Variants in SERTM1 observed in about 807,000 individuals in gnomAD.
SERTM1 encodes the protein serine rich and transmembrane domain containing 1.
A neutral mutation model predicts 5.5 loss-of-function variants in SERTM1; 1 was observed. The ratio of observed to expected loss-of-function variants is 0.18; its 90% confidence interval spans 0.06 to 0.86. SERTM1 has a LOEUF of 0.86. Among genes scored for constraint, SERTM1 ranks in the 40% least tolerant of loss-of-function variants. The pLI is 0.69. For synonymous variants in SERTM1, 52 were observed against 55.1 expected (o/e 0.94, Z 0.25); for missense variants, 91 against 122.4 (o/e 0.74, Z 1.21).
Position 36,690,394 on chromosome 13 carries a change from C to G in SERTM1, c.-173-4512C>G, listed in dbSNP as rs660617. ...GAGTCAGCTTTGAGTAAGGGTAGCA[C>G]GTAAGATAGTAAACTTTATTTCTAT... On this transcript the variant is annotated intron_variant, in intron 1 of 1. Transcript: ENST00000315190. 3.3e-5 allele frequency among the ~76,000 whole-genome samples: 5 copies of G among 152,156 alleles called. No homozygotes were observed. In the East Asian group the frequency reaches 5.8e-4, roughly 18 times the overall value.
At chr13:36,693,226 C>T (rs1271555981) in intron 1 of SERTM1, among the ~76,000 whole-genome samples, 2 of 152,164 alleles carry the variant, frequency 1.3e-5, no homozygotes, top group Non-Finnish European at 2.9e-5. Context: ...TTTTTCCCAT[C>T]CAATCTGTGA....
Position 36,682,948 on chromosome 13 carries a change from T to C in SERTM1, c.-174+8764T>C, listed in dbSNP as rs545726642. On this transcript the variant is annotated intron_variant, in intron 1 of 1. Transcript: ENST00000315190. The stretch of plus-strand genomic sequence containing the variant: ...TCTCACACTGTCTCCCAGGCTGGAG[T>C]GCAATGGCATGATCTCTGCTCACTG... 9.4e-4 allele frequency among the ~76,000 whole-genome samples: 143 copies of C among 152,308 alleles called. 3 individuals are homozygous for C. The South Asian group carries it at 0.029, about 31-fold the overall frequency.
At chr13:36,681,425 A>G (rs1593392334) in intron 1 of SERTM1, among the ~76,000 whole-genome samples, 1 of 152,316 alleles carries the variant, frequency 6.6e-6, no homozygotes, top group East Asian at 1.9e-4. Flanking sequence ...CAAATTGAAC[A>G]TTTGATAAAA....
At position 36,695,311 on chromosome 13, in the gene SERTM1, A is replaced by T; in HGVS notation, c.233A>T (p.Glu78Val). 6.2e-7 allele frequency: 1 copy of T among 1,614,096 alleles called. No homozygotes were observed. The highest frequency in any genetic ancestry group is 8.5e-7 in the Non-Finnish European group (1 of 1,179,968). ...ATCTCCTCCAGTTCCTCCTACCCAG[A>T]GTATCCAAGCGACGCTGGAAGTTCT... ...NIISSSSSYP[E>V]YPSDAGSSFT... The change falls in exon 2 of 2, where the codon GAG (glutamate) becomes GTG (valine). Residue 78 changes from glutamate to valine, a missense_variant. By Grantham distance (121) the Glu-to-Val change is moderately radical. Transcript: ENST00000315190.
chr13:36,681,771 T>C (rs986963121), intron 1 of SERTM1, among the ~76,000 whole-genome samples: 1 of 152,192 alleles, frequency 6.6e-6, no homozygotes, highest in Non-Finnish European at 1.5e-5. Context: ...CTTCATAGTC[T>C]CACTATGGTA....
Position 36,697,312 on chromosome 13 carries a change from A to AATATATATATATATAT in SERTM1, c.*1920_*1935dup, listed in dbSNP as rs57478418. 10 of 143,830 alleles carry AATATATATATATATAT rather than the reference A, an allele frequency of 7.0e-5. No homozygotes were observed. The highest frequency in any genetic ancestry group is 2.5e-4 in the African/African-American group (9 of 36,214). The allele number at this position is 143,830 out of a possible 1,614,324, so 8.9% of individuals were successfully genotyped here. ...ATACGCACACACACACACACACATAAATATATATATATATATATATATATA... is the reference window on the plus strand; with the variant it reads ...ATACGCACACACACACACACACATAAATATATATATATATATATATATATATATATATATATATATA... On this transcript the variant is annotated 3_prime_UTR_variant, in exon 2 of 2. Transcript: ENST00000315190.
chr13:36,692,839 C>T (rs1180504389), intron 1 of SERTM1, among the ~76,000 whole-genome samples: 1 of 152,176 alleles, frequency 6.6e-6, no homozygotes, highest in East Asian at 1.9e-4. Flanking sequence ...GGCATGGATT[C>T]TAGTCACTTT....
In SERTM1 at chr13:36,696,224, A is replaced by G. The variant is rs981613159; in HGVS notation, c.*822A>G. ...ATATGAATAATTTCTATCAGTGAGA[A>G]TTAAGCATATGGAAAATATTCATTT... On this transcript the variant is annotated 3_prime_UTR_variant, in exon 2 of 2. Coordinates refer to ENST00000315190, the MANE Select transcript of SERTM1 (RefSeq NM_203451.3). 3.0e-5 allele frequency: 5 copies of G among 166,918 alleles called. No homozygotes were observed. The highest frequency in any genetic ancestry group is 4.4e-5 in the Non-Finnish European group (3 of 68,130). The allele number at this position is 166,918 out of a possible 1,614,324, so 10.3% of individuals were successfully genotyped here. A position where few individuals can be genotyped will look rare whatever the true frequency, so the allele number is the denominator to read the frequency against.
At chr13:36,684,419 C>T (rs1050552813) in intron 1 of SERTM1, among the ~76,000 whole-genome samples, 1 of 152,154 alleles carries the variant, frequency 6.6e-6, no homozygotes, top group Non-Finnish European at 1.5e-5. Flanking sequence ...AGACACACAT[C>T]CAAAATTGGT....
Position 36,676,059 on chromosome 13 carries a change from G to T in SERTM1, c.-174+1875G>T, listed in dbSNP as rs557657870. On this transcript the variant is annotated intron_variant, in intron 1 of 1. Transcript: ENST00000315190. Reference sequence around the variant, plus strand: ...TCAACAGATTTTACTAGATGTCTACGATTTGGACAAGCACATCAGGGGTTA... The same window carrying T: ...TCAACAGATTTTACTAGATGTCTACTATTTGGACAAGCACATCAGGGGTTA... Among the ~76,000 whole-genome samples, 26 of 152,216 alleles carry T rather than the reference G, an allele frequency of 1.7e-4. No homozygotes were observed. In the South Asian group the frequency reaches 4.4e-3, roughly 25 times the overall value.
chr13:36,682,510 G>A (rs2056711331), intron 1 of SERTM1, among the ~76,000 whole-genome samples: 1 of 152,182 alleles, frequency 6.6e-6, no homozygotes, highest in Non-Finnish European at 1.5e-5. Context: ...ATGAGACAGA[G>A]GATGGATGGC....
Position 36,696,503 on chromosome 13 carries a change from G to C in SERTM1, c.*1101G>C, listed in dbSNP as rs891087141. 6.0e-6 allele frequency: 1 copy of C among 167,004 alleles called. No homozygotes were observed. The highest frequency in any genetic ancestry group is 1.5e-5 in the Non-Finnish European group (1 of 68,114). 10.3% of individuals were successfully genotyped at this position (167,004 alleles called of 1,614,324 possible). On this transcript the variant is annotated 3_prime_UTR_variant, in exon 2 of 2. Coordinates refer to ENST00000315190, the MANE Select transcript of SERTM1 (RefSeq NM_203451.3). ...ACTCTACATTAGGATTTCAGGATGT[G>C]AGTTTGTATTAAAAATTGTAGGCAC...
Position 36,695,165 on chromosome 13 carries a change from G to A in SERTM1, c.87G>A (p.Thr29=), listed in dbSNP as rs202230256. Residue 29 remains threonine, a synonymous_variant, in exon 2 of 2, where the codon ACG becomes ACA. Transcript: ENST00000315190. ...FLELFPTSLS[T]SVDPSSGHLS... ...AGCTGTTTCCCACATCCCTGTCCAC[G>A]TCAGTGGACCCATCCTCAGGCCACC... 1.4e-5 allele frequency: 23 copies of A among 1,612,902 alleles called. No individual in the cohort carries two copies. The highest frequency in any genetic ancestry group is 4.5e-5 in the East Asian group (2 of 44,882).
chr13:36,678,806 A>G (rs2056685916), intron 1 of SERTM1, among the ~76,000 whole-genome samples: 1 of 151,894 alleles, frequency 6.6e-6, no homozygotes, highest in Non-Finnish European at 1.5e-5. Flanking sequence ...TTCAATGTTT[A>G]GCTACAGAAT....
intron 1 of SERTM1, among the ~76,000 whole-genome samples, chr13:36,682,621 G>T (rs143814004): frequency 6.6e-6 from 1 of 152,206 alleles, no homozygotes; most frequent in Non-Finnish European, 1.5e-5. Context: ...TTTAACTGGA[G>T]AATTGAAAAC....
chr13:36,695,237 G>T lies in SERTM1; in HGVS notation c.159G>T (p.Ala53=). ...IYVSIFLSLL[A]FLLLLLIIAL... ...TGTCCATATTCCTCAGCCTTTTAGC[G>T]TTTCTGCTTCTGCTTTTAATCATTG... Residue 53 remains alanine (A), a synonymous_variant, in exon 2 of 2, where the codon GCG becomes GCT. Transcript: ENST00000315190. 6.2e-7 allele frequency: 1 copy of T among 1,614,098 alleles called. No homozygotes were observed. Among genetic ancestry groups the T allele is most frequent in the Non-Finnish European group, 8.5e-7 (1 of 1,180,028 alleles).
rs2056826241 is a variant in SERTM1 at position 36,697,808 on chromosome 13, G to T, written c.*2406G>T. On this transcript the variant is annotated 3_prime_UTR_variant, in exon 2 of 2. Coordinates refer to ENST00000315190, the MANE Select transcript of SERTM1 (RefSeq NM_203451.3). ...GAAGTTCAGAAAGGTTGGAAGATGGGTTTATAAATAAAGAAGTGGAGTCCA... is the reference window on the plus strand; with the variant it reads ...GAAGTTCAGAAAGGTTGGAAGATGGTTTTATAAATAAAGAAGTGGAGTCCA... 6.0e-6 allele frequency: 1 copy of T among 166,998 alleles called. No individual in the cohort carries two copies. Among genetic ancestry groups the T allele is most frequent in the Non-Finnish European group, 1.5e-5 (1 of 68,104 alleles). The allele number at this position is 166,998 out of a possible 1,614,324, so 10.3% of individuals were successfully genotyped here.
intron 1 of SERTM1, among the ~76,000 whole-genome samples, chr13:36,687,859 T>A (rs1032664963): frequency 6.6e-6 from 1 of 152,058 alleles, no homozygotes; most frequent in Non-Finnish European, 1.5e-5. Flanking sequence ...CTGTGAGAGA[T>A]GGAGTTTCAA....
chr13:36,690,244 T>G (rs1293449619), intron 1 of SERTM1, among the ~76,000 whole-genome samples: 19 of 152,222 alleles, frequency 1.2e-4, no homozygotes. Context: ...TTCCTTAACG[T>G]GGCTTTGGTT....
Sources: allele counts gnomAD v4.1 joint callset (sites outside exome capture counted in the v4.1 genomes callset), GRCh38; gene constraint gnomAD v4.1.1; transcripts MANE v1.5; gene names NCBI Gene and HGNC (gene_info 2026-07-23, HGNC 2026-07-21).